Variants in SMO observed in about 807,000 individuals in gnomAD.
The protein encoded by SMO is smoothened, frizzled class receptor, also known as protein smoothened.
A neutral mutation model predicts 81.6 loss-of-function variants in SMO; 40 were observed. The observed-to-expected ratio is 0.49, with a 90% confidence interval of 0.38 to 0.64. The LOEUF is 0.64. SMO is among the 30% of genes least tolerant of loss of function. The probability of loss-of-function intolerance (pLI) is 0.00; values close to 1 mark genes in which losing one functional copy is unlikely to be tolerated. For synonymous variants in SMO, 434 were observed against 432.1 expected (o/e 1.00, Z -0.05); for missense variants, 916 against 1,061.1 (o/e 0.86, Z 1.90).
chr7:129,193,781 AAAAAATATATATATAT>A (rs1354498085), intron 1 of SMO, among the ~76,000 whole-genome samples: 1 of 70,022 alleles, frequency 1.4e-5, no homozygotes, highest in Non-Finnish European at 2.9e-5. Context: ...AAAAAAAAAA[AAAAAATATATATATAT>A]ATATATATAT....
At chr7:129,205,993 T>C (rs536168152) in intron 4 of SMO, among the ~76,000 whole-genome samples, 157 bp from the exon 5 acceptor site, 1 of 152,332 alleles carries the variant, frequency 6.6e-6, no homozygotes, top group Admixed American at 6.5e-5. Flanking sequence ...GGGCGGCTCC[T>C]AGAGCCTCCT....
At chr7:129,204,294 C>G (rs1461128471) in intron 2 of SMO, among the ~76,000 whole-genome samples, 1 of 150,124 alleles carries the variant, frequency 6.7e-6, no homozygotes, top group Non-Finnish European at 1.5e-5. Flanking sequence ...GATCGTGCCA[C>G]TGAACTCCAG....
Position 129,188,819 on chromosome 7 carries a change from T to G in SMO, c.-333T>G. ...TCCCTCGCGGGGCGGGGAGGTGGCTTTAATGGTGGGAGAGGGAATGGGGCT... is the reference window on the plus strand; with the variant it reads ...TCCCTCGCGGGGCGGGGAGGTGGCTGTAATGGTGGGAGAGGGAATGGGGCT... On this transcript the variant is annotated 5_prime_UTR_variant, in exon 1 of 12. Transcript: ENST00000249373. This position sits in a 1 kb window ranked among gnomAD's most constrained non-coding sequence, Gnocchi z 4.9. 16 of 210,188 alleles carry G rather than the reference T, an allele frequency of 7.6e-5. No individual in the cohort carries two copies. Among genetic ancestry groups the G allele is most frequent in the East Asian group, 1.4e-4 (2 of 13,812 alleles). 13.0% of individuals were successfully genotyped at this position (210,188 alleles called of 1,614,324 possible).
At chr7:129,200,925 C>T (rs1036234356) in intron 1 of SMO, among the ~76,000 whole-genome samples, 31 of 152,144 alleles carry the variant, frequency 2.0e-4, no homozygotes, top group African/African-American at 7.5e-4. Context: ...TTAGTAGAGA[C>T]AGGGTTTCAC....
Position 129,213,112 on chromosome 7 carries a change from T to G in SMO, c.*661T>G, listed in dbSNP as rs1269821284. On this transcript the variant is annotated 3_prime_UTR_variant, in exon 12 of 12. Coordinates refer to ENST00000249373, the MANE Select transcript of SMO (RefSeq NM_005631.5). ...TTCAGTTTCAGCGGTGCCAACCTCT[T>G]TGCGTTTCCTTTTTGTTGATGAGGA... 2 of 235,326 alleles carry G rather than the reference T, an allele frequency of 8.5e-6. No homozygotes were observed. The highest frequency in any genetic ancestry group is 4.4e-5 in the African/African-American group (2 of 45,378). 14.6% of individuals were successfully genotyped at this position (235,326 alleles called of 1,614,324 possible).
rs764065797 is a variant in SMO at position 129,211,033 on chromosome 7, C to T, written c.1721C>T (p.Ser574Phe). The T allele has an allele frequency of 6.2e-7, 1 of 1,614,060 alleles. No individual in the cohort carries two copies. ...AGCAAGATGATTGCCAAGGCCTTCT[C>T]TAAGCGGCACGAGCTCCTGCAGAAC... is the stretch of plus-strand genomic sequence containing the variant. ...KKSKMIAKAF[S>F]KRHELLQNPG... The change falls in exon 10 of 12, where the codon TCT becomes TTT. Residue 574 changes from serine to phenylalanine, a missense_variant. Coordinates refer to ENST00000249373, the MANE Select transcript of SMO (RefSeq NM_005631.5). This position sits in a 1 kb window ranked among gnomAD's most constrained non-coding sequence, Gnocchi z 4.6.
intron 1 of SMO, among the ~76,000 whole-genome samples, chr7:129,193,758 CAAAAAAAAAAAAAA>C (rs35934044): frequency 1.3e-4 from 1 of 7,458 alleles, no homozygotes; most frequent in African/African-American, 5.6e-4. Context: ...GACTCCATCT[CAAAAAAAAAAAAAA>C]AAAAAAAAAA....
Position 129,209,311 on chromosome 7 carries a change from T to C in SMO, c.1380T>C (p.Phe460=), listed in dbSNP as rs1338958293. The change falls in exon 8 of 12, where the codon TTT becomes TTC. Residue 460 remains phenylalanine, a synonymous_variant. Coordinates refer to ENST00000249373, the MANE Select transcript of SMO (RefSeq NM_005631.5). ...CAGGCATTTTTGGCTTCCTGGCCTT[T>C]GGCTTTGTGCTCATTACCTTCAGCT... The part of the protein sequence containing the change: ...LRLGIFGFLA[F]GFVLITFSCH... The C allele has an allele frequency of 6.2e-7, 1 of 1,614,026 alleles. No individual in the cohort carries two copies. Among genetic ancestry groups the C allele is most frequent in the Non-Finnish European group, 8.5e-7 (1 of 1,179,858 alleles).
chr7:129,205,072 G>A, intron 2 of SMO, 131 bp from the exon 3 acceptor site: 2 of 731,148 alleles, frequency 2.7e-6, no homozygotes, highest in South Asian at 3.4e-5. Context: ...AATTTGCCAA[G>A]CCAGCCCTGG....
chr7:129,200,654 G>A (rs1420127725), intron 1 of SMO, among the ~76,000 whole-genome samples: 1 of 152,092 alleles, frequency 6.6e-6, no homozygotes, highest in Non-Finnish European at 1.5e-5. Context: ...GGGAAAAAAA[G>A]GAAAACAAAT....
intron 4 of SMO, 21 bp downstream of exon 4, chr7:129,205,803 G>A (rs2150649483): frequency 1.9e-6 from 3 of 1,596,532 alleles, no homozygotes; most frequent in Non-Finnish European, 2.6e-6. Context: ...TGGGGACCCA[G>A]AGGTGAAGGT....
At position 129,189,267 on chromosome 7, in the gene SMO, C is replaced by T. The variant is rs1413825142; in HGVS notation, c.116C>T (p.Pro39Leu). Residue 39 changes from proline to leucine, a missense_variant, in exon 1 of 12, where the codon CCT (proline) becomes CTT (leucine). Physicochemically the swap from Pro to Leu is moderately conservative, Grantham distance 98. This residue lies in a region of SMO where 146 missense variants were observed against 149.9 expected (regional missense o/e 0.97). Transcript: ENST00000249373. The surrounding 1 kb of genome is among the most constrained non-coding windows in gnomAD (Gnocchi z 4.7). ...GAASSGNATG[P>L]GPRSAGGSAR... The stretch of plus-strand genomic sequence containing the variant: ...GCCTCGAGCGGGAACGCGACCGGGC[C>T]TGGGCCTCGGAGCGCGGGCGGGAGC... 7.3e-7 allele frequency: 1 copy of T among 1,375,436 alleles called. No individual in the cohort carries two copies. Among genetic ancestry groups the T allele is most frequent in the Non-Finnish European group, 9.3e-7 (1 of 1,072,806 alleles). 85.2% of individuals were successfully genotyped at this position (1,375,436 alleles called of 1,614,324 possible).
chr7:129,200,940 T>C (rs1413061670), intron 1 of SMO, among the ~76,000 whole-genome samples: 2 of 152,212 alleles, frequency 1.3e-5, no homozygotes, highest in Non-Finnish European at 2.9e-5. Flanking sequence ...TTTCACCATG[T>C]TGGCCAGGCT....
chr7:129,190,909 G>A (rs1156347753), intron 1 of SMO, among the ~76,000 whole-genome samples: 1 of 151,750 alleles, frequency 6.6e-6, no homozygotes, highest in African/African-American at 2.4e-5. Flanking sequence ...TATAAGAATG[G>A]GTATACATAG....
intron 1 of SMO, among the ~76,000 whole-genome samples, chr7:129,199,960 T>C (rs1211472136): frequency 6.6e-6 from 1 of 152,248 alleles, no homozygotes. Flanking sequence ...TTTGTGCATA[T>C]AAGGAAATTA....
intron 2 of SMO, among the ~76,000 whole-genome samples, chr7:129,203,834 G>A (rs1273480768): frequency 6.6e-6 from 1 of 152,064 alleles, no homozygotes; most frequent in Non-Finnish European, 1.5e-5. Context: ...CTGGCTGTTG[G>A]GTGTTGTGGT....
rs1355330766 is a variant in SMO at position 129,206,708 on chromosome 7, C to T, written c.1264+121C>T. ...GAAACCCCAGCTAGCTCCTATAGGG[C>T]CTTCACACAGTAGAAGGTGACCCTC... On this transcript the variant is annotated intron_variant, in intron 6 of 11. Coordinates refer to ENST00000249373, the MANE Select transcript of SMO (RefSeq NM_005631.5). The surrounding 1 kb of genome is among the most constrained non-coding windows in gnomAD (Gnocchi z 4.4). 5.2e-6 allele frequency: 5 copies of T among 964,984 alleles called. No individual in the cohort carries two copies. Among genetic ancestry groups the T allele is most frequent in the Non-Finnish European group, 7.4e-6 (5 of 672,440 alleles). 59.8% of individuals were successfully genotyped at this position (964,984 alleles called of 1,614,324 possible).
intron 2 of SMO, among the ~76,000 whole-genome samples, chr7:129,204,991 G>A (rs1033500561): frequency 2.8e-5 from 4 of 144,294 alleles, no homozygotes; most frequent in African/African-American, 1.0e-4. Context: ...GCGACAGAGC[G>A]AGACTGTCTA....
chr7:129,209,436 G>C, intron 8 of SMO, 39 bp downstream of exon 8: 1 of 1,418,008 alleles, frequency 7.1e-7, no homozygotes, highest in Non-Finnish European at 1.0e-6. Context: ...CTGGGAGCTG[G>C]AGCCAAGGCC....
Sources: gnomAD v4.1 joint callset for allele counts (sites outside exome capture counted in the v4.1 genomes callset) on GRCh38, gnomAD v4.1.1 for gene constraint, gnomAD v4.1.1 regional missense constraint, Gnocchi (gnomAD v3.1) non-coding constraint, MANE v1.5 for transcripts, NCBI Gene and HGNC (gene_info 2026-07-23, HGNC 2026-07-21) for gene names.